Variants in CCNB3 observed in about 807,000 individuals in gnomAD.
CCNB3 encodes G2/mitotic-specific cyclin-B3.
A neutral mutation model predicts 68.0 loss-of-function variants in CCNB3; 12 were observed. The observed-to-expected ratio is 0.18, with a 90% confidence interval of 0.11 to 0.29. The LOEUF is 0.29. CCNB3 is among the 10% of genes least tolerant of loss of function. The pLI, the probability that CCNB3 is intolerant of heterozygous loss-of-function variation, is 1.00. For missense variants in CCNB3, 904 were observed against 993.1 expected, an observed-to-expected ratio of 0.91 and a Z score of 1.21; for synonymous variants, 354 against 388.9, an observed-to-expected ratio of 0.91 and a Z score of 1.06.
intron 11 of CCNB3, among the ~76,000 whole-genome samples, chrX:50,349,629 C>T (rs1569543730): frequency 8.9e-6 from 1 of 112,205 alleles, no homozygotes; most frequent in African/African-American, 3.2e-5. Context: ...CAGTCTACTC[C>T]ATTACCCCCT....
chrX:50,337,229 G>A (rs1460857365), intron 8 of CCNB3, among the ~76,000 whole-genome samples: 1 of 110,511 alleles, frequency 9.0e-6, no homozygotes, highest in Non-Finnish European at 1.9e-5. Context: ...TCTGGTGGAA[G>A]TGGAGGTGCT....
At chrX:50,342,088 C>A in intron 8 of CCNB3, 114 bp from the exon 9 acceptor site, 1 of 868,857 alleles carries the variant, frequency 1.2e-6, no homozygotes. Context: ...AGCAGAGTCC[C>A]AGCTAGTCAG....
chrX:50,330,251 CAG>C (rs1417495909), intron 8 of CCNB3, among the ~76,000 whole-genome samples: 1 of 111,773 alleles, frequency 8.9e-6, no homozygotes, highest in Non-Finnish European at 1.9e-5. Flanking sequence ...CGGAACAGGA[CAG>C]GGATTTTCAC....
chrX:50,311,563 C>A, intron 6 of CCNB3, 67 bp downstream of exon 6: 2 of 781,361 alleles, frequency 2.6e-6, no homozygotes, highest in Non-Finnish European at 3.5e-6. Flanking sequence ...TGGCTGCTAG[C>A]AAAGTTGTTT....
Sources: gnomAD v4.1 joint callset for allele counts (sites outside exome capture counted in the v4.1 genomes callset) on GRCh38, gnomAD v4.1.1 for gene constraint, MANE v1.5 for transcripts, NCBI Gene and HGNC (gene_info 2026-07-23, HGNC 2026-07-21) for gene names.